The following DCHS2 variants were observed in gnomAD, a reference collection of about 807,000 sequenced individuals.
The protein encoded by DCHS2 is protocadherin-23.
In DCHS2, 142 loss-of-function variants were observed where a neutral mutation model predicts 182.4. That is an observed-to-expected ratio of 0.78 (90% CI 0.68 to 0.89). The LOEUF is 0.89. Among genes scored for constraint, DCHS2 ranks in the 40% least tolerant of loss-of-function variants. The pLI is 0.00. For synonymous variants in DCHS2, 1,740 were observed against 1,663.3 expected, an observed-to-expected ratio of 1.05 and a Z score of -1.12; for missense variants, 4,319 against 4,198.6, an observed-to-expected ratio of 1.03 and a Z score of -0.79.
At chr4:154,338,938 T>C (rs1183628406) in intron 3 of DCHS2, among the ~76,000 whole-genome samples, 1 of 152,188 alleles carries the variant, frequency 6.6e-6, no homozygotes, top group Non-Finnish European at 1.5e-5. Context: ...TCTGTAGATA[T>C]AGATATCTAT....
intron 1 of DCHS2, among the ~76,000 whole-genome samples, chr4:154,461,100 T>G (rs973733001): frequency 6.6e-6 from 1 of 152,140 alleles, no homozygotes; most frequent in Non-Finnish European, 1.5e-5. Flanking sequence ...TCCACCAGCC[T>G]TAGGAAGCCC....
intron 10 of DCHS2, among the ~76,000 whole-genome samples, chr4:154,307,805 T>G (rs1382829314): frequency 6.6e-6 from 1 of 152,090 alleles, no homozygotes; most frequent in Non-Finnish European, 1.5e-5. Context: ...CCTCTTCCAT[T>G]CAGGTCTCCT....
chr4:154,487,696 A>T (rs1728638125), intron 1 of DCHS2, among the ~76,000 whole-genome samples: 1 of 152,230 alleles, frequency 6.6e-6, no homozygotes, highest in Non-Finnish European at 1.5e-5. Flanking sequence ...TGCAAAGCTA[A>T]AGCCTGAACT....
At chr4:154,478,928 A>T (rs558580372) in intron 1 of DCHS2, among the ~76,000 whole-genome samples, 10 of 152,370 alleles carry the variant, frequency 6.6e-5, no homozygotes, top group African/African-American at 2.4e-4. Context: ...CAATGTCCGG[A>T]ATACAAGGAA....
intron 12 of DCHS2, among the ~76,000 whole-genome samples, chr4:154,299,187 A>G (rs1013227728): frequency 6.6e-6 from 1 of 152,222 alleles, no homozygotes; most frequent in African/African-American, 2.4e-5. Context: ...CCACTACAGT[A>G]TTCATGCCTG....
chr4:154,240,497 A>G (rs2111102458), intron 18 of DCHS2, 40 bp downstream of exon 18: 2 of 1,597,296 alleles, frequency 1.3e-6, no homozygotes, highest in East Asian at 2.2e-5. Context: ...TATTCTTTCT[A>G]GTTTTGGCTT....
intron 1 of DCHS2, among the ~76,000 whole-genome samples, chr4:154,481,851 C>T (rs963120689): frequency 2.6e-5 from 4 of 152,194 alleles, no homozygotes; most frequent in Non-Finnish European, 5.9e-5. Context: ...CTCTGCATTG[C>T]AAGCTTTTAT....
intron 1 of DCHS2, among the ~76,000 whole-genome samples, chr4:154,473,359 C>A (rs1382292579): frequency 6.6e-6 from 1 of 152,184 alleles, no homozygotes; most frequent in Non-Finnish European, 1.5e-5. Flanking sequence ...GTTGGTCATT[C>A]GGTCTTCTTG....
rs909133256 is a variant in DCHS2 at position 154,298,328 on chromosome 4, C to T, written c.5986G>A (p.Asp1996Asn). ...SGTLKTSNTL[D>N]REARSQHTFS... ...GTATGCTGAGATCTGGCTTCACGGT[C>T]GAGGGTGTTGCTGGTTTTCAATGTG... The change falls in exon 13 of 20, where the codon GAC (aspartate) becomes AAC (asparagine). Residue 1996 changes from aspartate to asparagine, a missense_variant. Coordinates refer to ENST00000357232, the MANE Select transcript of DCHS2 (RefSeq NM_001358235.2). The T allele has an allele frequency of 1.2e-6, 2 of 1,613,956 alleles. No individual in the cohort carries two copies. The highest frequency in any genetic ancestry group is 1.7e-5 in the Admixed American group (1 of 60,006).
intron 7 of DCHS2, chr4:154,323,292 C>T (rs1233306346): frequency 2.6e-6 from 4 of 1,549,768 alleles, no homozygotes; most frequent in Non-Finnish European, 3.5e-6. Flanking sequence ...ACGACTGCTT[C>T]CCAAATGCTG....
chr4:154,334,685 A>C lies in DCHS2; in HGVS notation c.2713+183T>G, dbSNP rs550413680. The C allele has an allele frequency of 2.3e-4, 132 of 562,196 alleles. No homozygotes were observed. The African/African-American group carries it at 2.4e-3, about 10-fold the overall frequency. 34.8% of individuals were successfully genotyped at this position (562,196 alleles called of 1,614,324 possible). ...GCCTATTATTTTTGTGATCAGAAAA[A>C]AAATTGTGGGATGGACAGAAACAAT... On this transcript the variant is annotated intron_variant, in intron 4 of 19. Coordinates refer to ENST00000357232, the MANE Select transcript of DCHS2 (RefSeq NM_001358235.2).
intron 8 of DCHS2, among the ~76,000 whole-genome samples, chr4:154,321,886 TTAAAG>T (rs1431245858): frequency 6.6e-6 from 1 of 152,122 alleles, no homozygotes; most frequent in Non-Finnish European, 1.5e-5. Context: ...CCCATTATGA[TTAAAG>T]TAAAGCCTTA....
chr4:154,364,777 A>G (rs1730274392), intron 3 of DCHS2, among the ~76,000 whole-genome samples: 1 of 152,204 alleles, frequency 6.6e-6, no homozygotes, highest in South Asian at 2.1e-4. Context: ...ATTACAAAGC[A>G]TGTTGTGAAG....
intron 15 of DCHS2, among the ~76,000 whole-genome samples, chr4:154,256,282 C>T (rs1000965948): frequency 2.6e-5 from 4 of 151,968 alleles, no homozygotes; most frequent in Non-Finnish European, 2.9e-5. Context: ...AAGTAGCATG[C>T]GCCACCATGC....
In DCHS2 at chr4:154,377,414, A is replaced by G; in HGVS notation, c.2083T>C (p.Tyr695His). Residue 695 changes from tyrosine to histidine, a missense_variant, in exon 2 of 20, where the codon TAT (tyrosine) becomes CAT (histidine). Coordinates refer to ENST00000357232, the MANE Select transcript of DCHS2 (RefSeq NM_001358235.2). ...TAAAGAGAATATTCAATAAAGCCATAGAGTCCTGAATCTGCATCAGAGGCT... is the reference window on the plus strand; with the variant it reads ...TAAAGAGAATATTCAATAAAGCCATGGAGTCCTGAATCTGCATCAGAGGCT... ...VTASDADSGL[Y>H]GFIEYSLYDG... The G allele has an allele frequency of 3.1e-6, 5 of 1,613,340 alleles. No individual in the cohort carries two copies. The highest frequency in any genetic ancestry group is 4.2e-6 in the Non-Finnish European group (5 of 1,179,536).
chr4:154,324,979 T>A (rs972442485), intron 7 of DCHS2, among the ~76,000 whole-genome samples: 4 of 152,190 alleles, frequency 2.6e-5, no homozygotes, highest in African/African-American at 9.7e-5. Flanking sequence ...AAGATGGGAA[T>A]AATGTAATAT....
chr4:154,313,860 C>A (rs545374572), intron 10 of DCHS2, among the ~76,000 whole-genome samples: 4 of 152,012 alleles, frequency 2.6e-5, no homozygotes, highest in Admixed American at 6.6e-5. Flanking sequence ...TAATTTTGTA[C>A]CTAAATTCTC....
At chr4:154,409,198 G>A (rs1184564251) in intron 1 of DCHS2, among the ~76,000 whole-genome samples, 1 of 152,050 alleles carries the variant, frequency 6.6e-6, no homozygotes, top group East Asian at 1.9e-4. Context: ...CTGAGTCCAG[G>A]GAGTGGAGTC....
intron 13 of DCHS2, among the ~76,000 whole-genome samples, chr4:154,281,595 C>A (rs781781384): frequency 1.4e-4 from 22 of 152,086 alleles, no homozygotes; most frequent in Admixed American, 2.0e-4. Context: ...GTTAAAGTGA[C>A]CATAGTATCA....
Sources: gnomAD v4.1 joint callset for allele counts (sites outside exome capture counted in the v4.1 genomes callset) on GRCh38, gnomAD v4.1.1 for gene constraint, MANE v1.5 for transcripts, NCBI Gene and HGNC (gene_info 2026-07-23, HGNC 2026-07-21) for gene names.